RPS6KC1: variants seen among roughly 807,000 people sequenced by gnomAD.
The protein encoded by RPS6KC1 is inactive ribosomal protein S6 kinase delta-1.
In RPS6KC1, 54 loss-of-function variants were observed where a neutral mutation model predicts 103.8. The ratio of observed to expected loss-of-function variants is 0.52; its 90% confidence interval spans 0.42 to 0.65. The LOEUF (loss-of-function observed/expected upper bound fraction) is 0.65, where lower values mean the gene tolerates loss of function less well. Ranked by LOEUF, RPS6KC1 falls within the 30% of genes least tolerant of loss-of-function variation. The pLI, the probability that RPS6KC1 is intolerant of heterozygous loss-of-function variation, is 0.00. For missense variants in RPS6KC1, 1,151 were observed against 1,253.8 expected (o/e 0.92, Z 1.24); for synonymous variants, 439 against 438.7 (o/e 1.00, Z -0.01).
chr1:213,854,510 C>CTTTT, the RPS6KC1 span, among the ~76,000 whole-genome samples: 1 of 120,934 alleles, frequency 8.3e-6, no homozygotes, highest in Non-Finnish European at 1.7e-5. Flanking sequence ...CTCTTTCTTT[C>CTTTT]TCTTTCTTTC....
At chr1:213,600,885 G>A in the RPS6KC1 span, among the ~76,000 whole-genome samples, 1 of 152,208 alleles carries the variant, frequency 6.6e-6, no homozygotes, top group Non-Finnish European at 1.5e-5. Context: ...AAGTGGTAGG[G>A]CACAAAAGGC....
the RPS6KC1 span, among the ~76,000 whole-genome samples, chr1:213,664,192 C>CGGGGGGGGGGG: frequency 2.7e-4 from 8 of 29,856 alleles, no homozygotes; most frequent in African/African-American, 7.4e-4. Context: ...AAGAAATGAG[C>CGGGGGGGGGGG]GGGGGGGCGG....
At chr1:213,637,442 G>A in the RPS6KC1 span, among the ~76,000 whole-genome samples, 2 of 151,914 alleles carry the variant, frequency 1.3e-5, no homozygotes, top group Admixed American at 6.6e-5. Context: ...GGGAGGGATC[G>A]CATTGGGAGA....
At chr1:213,823,726 C>CCACACACACACA in the RPS6KC1 span, among the ~76,000 whole-genome samples, 2,510 of 146,350 alleles carry the variant, frequency 0.017, 57 homozygotes, top group African/African-American at 0.048. Context: ...GCTATCACAG[C>CCACACACACACA]CACACACACA....
intron 2 of RPS6KC1, among the ~76,000 whole-genome samples, chr1:213,073,334 TAGG>T (rs916527959): frequency 1.3e-5 from 2 of 152,242 alleles, no homozygotes; most frequent in Non-Finnish European, 1.5e-5. Flanking sequence ...CCTTATAAAA[TAGG>T]AGAAATTTTG....
chr1:213,708,034 TG>T, the RPS6KC1 span, among the ~76,000 whole-genome samples: 3 of 152,240 alleles, frequency 2.0e-5, no homozygotes, highest in African/African-American at 7.2e-5. Context: ...GGCTCTTTTT[TG>T]GTTCCATATA....
At chr1:213,269,412 G>A (rs944397387) in intron 14 of RPS6KC1, among the ~76,000 whole-genome samples, 1 of 152,196 alleles carries the variant, frequency 6.6e-6, no homozygotes, top group African/African-American at 2.4e-5. Flanking sequence ...GGACATTGAA[G>A]ACTTGAACAA....
chr1:213,798,097 G>A, the RPS6KC1 span, among the ~76,000 whole-genome samples: 1 of 152,088 alleles, frequency 6.6e-6, no homozygotes, highest in African/African-American at 2.4e-5. Context: ...ACCCATCATC[G>A]GGGAGACCAG....
the RPS6KC1 span, among the ~76,000 whole-genome samples, chr1:213,646,593 C>T: frequency 6.6e-6 from 1 of 152,046 alleles, no homozygotes; most frequent in Non-Finnish European, 1.5e-5. Context: ...ACACTTGGGA[C>T]CACCTGGAAC....
the RPS6KC1 span, among the ~76,000 whole-genome samples, chr1:213,656,864 T>C: frequency 2.6e-5 from 4 of 152,222 alleles, no homozygotes; most frequent in Non-Finnish European, 1.5e-5. Flanking sequence ...TATAGATGTA[T>C]TTTCTGGGAA....
chr1:213,270,317 G>A (rs905858936), intron 14 of RPS6KC1, among the ~76,000 whole-genome samples: 24 of 152,170 alleles, frequency 1.6e-4, no homozygotes, highest in Admixed American at 1.2e-3. Flanking sequence ...AAGAGTTAAA[G>A]CCATAAAAAT....
chr1:213,169,587 AT>A (rs777253404), intron 7 of RPS6KC1, among the ~76,000 whole-genome samples: 19 of 151,986 alleles, frequency 1.3e-4, no homozygotes, highest in Non-Finnish European at 2.6e-4. Context: ...TTATGTAAAC[AT>A]TACTTTGATT....
chr1:213,386,996 C>T, the RPS6KC1 span, among the ~76,000 whole-genome samples: 8 of 151,758 alleles, frequency 5.3e-5, no homozygotes, highest in South Asian at 1.7e-3. Flanking sequence ...ATCTTTTTCT[C>T]TCAAACTACC....
intron 5 of RPS6KC1, 128 bp downstream of exon 5, chr1:213,117,538 T>C: frequency 1.9e-6 from 1 of 534,088 alleles, no homozygotes; most frequent in East Asian, 3.1e-5. Context: ...AAGATGCTTT[T>C]TTTCTTTACA....
intron 14 of RPS6KC1, among the ~76,000 whole-genome samples, chr1:213,267,214 G>A (rs1193739753): frequency 6.6e-6 from 1 of 151,754 alleles, no homozygotes; most frequent in African/African-American, 2.4e-5. Flanking sequence ...TGAGATATTT[G>A]AATACAACCT....
At chr1:213,483,313 A>G in the RPS6KC1 span, among the ~76,000 whole-genome samples, 8 of 152,172 alleles carry the variant, frequency 5.3e-5, no homozygotes, top group African/African-American at 1.4e-4. Flanking sequence ...GGGAACTACA[A>G]TTTGAGATGA....
chr1:213,551,170 A>G, the RPS6KC1 span, among the ~76,000 whole-genome samples: 20 of 152,284 alleles, frequency 1.3e-4, no homozygotes, highest in East Asian at 3.7e-3. Context: ...CGACATCCAG[A>G]CTGCTTTGAC....
the RPS6KC1 span, among the ~76,000 whole-genome samples, chr1:213,665,952 A>G: frequency 1.3e-5 from 2 of 152,254 alleles, no homozygotes; most frequent in Non-Finnish European, 2.9e-5. Context: ...TAAACCCATT[A>G]TATAAAAACT....
rs550823496 is a variant in RPS6KC1 at position 213,072,934 on chromosome 1, G to A, written c.141+1893G>A. On this transcript the variant is annotated intron_variant, in intron 2 of 14. Coordinates refer to ENST00000366960, the MANE Select transcript of RPS6KC1 (RefSeq NM_012424.6). ...GCCATTTTCTTAGTCCTTTTTTCGG[G>A]AAAACTCTTTTATAATAACAACTGT... is the stretch of plus-strand genomic sequence containing the variant. 30 of 980,982 alleles carry A rather than the reference G, an allele frequency of 3.1e-5. No individual in the cohort carries two copies. In the African/African-American group the frequency reaches 4.5e-4, roughly 15 times the overall value. The allele number at this position is 980,982 out of a possible 1,614,324, so 60.8% of individuals were successfully genotyped here. A position where few individuals can be genotyped will look rare whatever the true frequency, so the allele number is the denominator to read the frequency against.
Sources: allele counts gnomAD v4.1 joint callset (sites outside exome capture counted in the v4.1 genomes callset), GRCh38; gene constraint gnomAD v4.1.1; transcripts MANE v1.5; gene names NCBI Gene and HGNC (gene_info 2026-07-23, HGNC 2026-07-21).